TCEA3: variants seen among roughly 807,000 people sequenced by gnomAD.
TCEA3 encodes transcription elongation factor A3, also known as transcription elongation factor A protein 3.
A neutral mutation model predicts 44.0 loss-of-function variants in TCEA3; 36 were observed. The ratio of observed to expected loss-of-function variants is 0.82; its 90% CI spans 0.63 to 1.08. The LOEUF (loss-of-function observed/expected upper bound fraction) is 1.08, where lower values mean the gene tolerates loss of function less well. TCEA3 is among the 50% of genes least tolerant of loss of function. The pLI is 0.00. For missense variants in TCEA3, 392 were observed against 441.2 expected, an observed-to-expected ratio of 0.89 and a Z score of 1.00; for synonymous variants, 162 against 159.7, an observed-to-expected ratio of 1.01 and a Z score of -0.11.
chr1:23,390,194 C>T (rs766204678), intron 8 of TCEA3, among the ~76,000 whole-genome samples: 1 of 152,128 alleles, frequency 6.6e-6, no homozygotes, highest in South Asian at 2.1e-4. Flanking sequence ...CAGGGCCGGG[C>T]GCAGTGGCTC....
At chr1:23,420,166 G>C (rs1042689786) in intron 1 of TCEA3, among the ~76,000 whole-genome samples, 4 of 152,204 alleles carry the variant, frequency 2.6e-5, no homozygotes, top group African/African-American at 7.2e-5. Flanking sequence ...TGATTTTGGA[G>C]ACTCATCCAT....
At chr1:23,392,682 A>T (rs1475619618) in intron 8 of TCEA3, among the ~76,000 whole-genome samples, 2 of 148,764 alleles carry the variant, frequency 1.3e-5, no homozygotes, top group Non-Finnish European at 3.0e-5. Context: ...CACTCCACAC[A>T]TCACACACAC....
intron 8 of TCEA3, among the ~76,000 whole-genome samples, chr1:23,393,672 G>A (rs1015332028): frequency 5.9e-5 from 9 of 152,272 alleles, no homozygotes; most frequent in East Asian, 1.9e-4. Context: ...TGGCCAATTC[G>A]CTGAACACAC....
Position 23,399,136 on chromosome 1 carries a change from GTA to G in TCEA3, c.444-1183_444-1182del, listed in dbSNP as rs1191975371. ...TCATTCAGGTTTTGTTTATATATAT[GTA>G]TATATGTATATATATATATATATAT... is the stretch of plus-strand genomic sequence containing the variant. On this transcript the variant is annotated intron_variant, in intron 5 of 10. Coordinates refer to ENST00000450454, the MANE Select transcript of TCEA3 (RefSeq NM_003196.3). Among the ~76,000 whole-genome samples the G allele has an allele frequency of 4.8e-4, 28 of 58,684 alleles. 1 individual carries two copies. The highest frequency in any genetic ancestry group is 1.2e-3 in the Admixed American group (5 of 4,198). The allele number at this position is 58,684 out of a possible 152,430, so 38.5% of individuals were successfully genotyped here. A position where few individuals can be genotyped will look rare whatever the true frequency, so the allele number is the denominator to read the frequency against.
chr1:23,385,289 C>A lies in TCEA3; in HGVS notation c.967-872G>T, dbSNP rs1304239790. ...AATCTGTGGTGTGGGACGAGTTATGCCCGCCACCCTCCTTGGGTGAGCCCC... is the reference window on the plus strand; with the variant it reads ...AATCTGTGGTGTGGGACGAGTTATGACCGCCACCCTCCTTGGGTGAGCCCC... On this transcript the variant is annotated intron_variant, in intron 9 of 10. Transcript: ENST00000450454. Among the ~76,000 whole-genome samples the A allele has an allele frequency of 2.0e-5, 3 of 152,194 alleles. 1 individual carries two copies. Among genetic ancestry groups the A allele is most frequent in the Admixed American group, 6.5e-5 (1 of 15,282 alleles).
rs1243059538 is a variant in TCEA3 at position 23,393,792 on chromosome 1, A to C, written c.819+87T>G. On this transcript the variant is annotated intron_variant, in intron 8 of 10. Transcript: ENST00000450454. ...TGAAAAGCTCCCTGGCTCACTGCTG[A>C]TGAGTCACGAGCCACTGACCCTCTG... The C allele has an allele frequency of 3.3e-6, 5 of 1,502,416 alleles. No homozygotes were observed. In the Admixed American group the frequency reaches 8.4e-5, roughly 25 times the overall value. 93.1% of individuals were successfully genotyped at this position (1,502,416 alleles called of 1,614,324 possible).
At chr1:23,421,917 A>G (rs1454201429) in intron 1 of TCEA3, among the ~76,000 whole-genome samples, 1 of 152,198 alleles carries the variant, frequency 6.6e-6, no homozygotes, top group Non-Finnish European at 1.5e-5. Flanking sequence ...ACAGCTGTAT[A>G]ACTGGGTCAT....
intron 5 of TCEA3, among the ~76,000 whole-genome samples, chr1:23,400,373 C>CT (rs67325313): frequency 0.75 from 99,569 of 133,454 alleles, 39,485 homozygotes; most frequent in Non-Finnish European, 0.88. Context: ...CCACACCAGG[C>CT]TTTTTTTTTT....
rs549462754 is a variant in TCEA3 at position 23,397,396 on chromosome 1, A to C, written c.664+149T>G. 22 of 660,884 alleles carry C rather than the reference A, an allele frequency of 3.3e-5. No individual in the cohort carries two copies. In the South Asian group the frequency reaches 4.1e-4, roughly 12 times the overall value. 40.9% of individuals were successfully genotyped at this position (660,884 alleles called of 1,614,324 possible). The stretch of plus-strand genomic sequence containing the variant: ...GGTGTAAAATAATAATGAATGTTAG[A>C]TAGAATTAAGAACTCTGGTTCAGGG... On this transcript the variant is annotated intron_variant, in intron 7 of 10. Coordinates refer to ENST00000450454, the MANE Select transcript of TCEA3 (RefSeq NM_003196.3).
rs1570263874 is a variant in TCEA3, at chr1:23,403,836, A to C, written c.443+4828T>G. 1.5e-5 allele frequency: 7 copies of C among 481,846 alleles called. No homozygotes were observed. In the South Asian group the frequency reaches 1.6e-4, roughly 11 times the overall value. 29.8% of individuals were successfully genotyped at this position (481,846 alleles called of 1,614,324 possible). On this transcript the variant is annotated intron_variant, in intron 5 of 10. Coordinates refer to ENST00000450454, the MANE Select transcript of TCEA3 (RefSeq NM_003196.3). ...TCTTCCCACCTTCCTGGCAGGGCACACCCAGCCCTGGTCCCGCCTCCCCGG... is the reference window on the plus strand; with the variant it reads ...TCTTCCCACCTTCCTGGCAGGGCACCCCCAGCCCTGGTCCCGCCTCCCCGG...
At chr1:23,418,302 T>G in intron 2 of TCEA3, 1 of 370,222 alleles carries the variant, frequency 2.7e-6, no homozygotes, top group African/African-American at 2.0e-5. Flanking sequence ...ACCCCTCCCA[T>G]TCCCAACCCT....
At chr1:23,405,512 C>T (rs1187153218) in intron 5 of TCEA3, among the ~76,000 whole-genome samples, 2 of 151,904 alleles carry the variant, frequency 1.3e-5, no homozygotes, top group Admixed American at 6.6e-5. Flanking sequence ...AGGAGAATCA[C>T]TTGAATCCGG....
At chr1:23,400,745 C>T (rs113984845) in intron 5 of TCEA3, among the ~76,000 whole-genome samples, 1,627 of 152,208 alleles carry the variant, frequency 0.011, 39 homozygotes, top group African/African-American at 0.037. Flanking sequence ...AAGACCCACT[C>T]GAGGGTCTTA....
chr1:23,406,098 C>G (rs1639536557), intron 5 of TCEA3, among the ~76,000 whole-genome samples: 1 of 152,190 alleles, frequency 6.6e-6, no homozygotes, highest in African/African-American at 2.4e-5. Context: ...ACCACCATTT[C>G]TAGGCCTGAC....
chr1:23,403,306 C>G (rs1639451933), intron 5 of TCEA3, among the ~76,000 whole-genome samples: 1 of 152,192 alleles, frequency 6.6e-6, no homozygotes, highest in African/African-American at 2.4e-5. Flanking sequence ...CAGCCTGAGA[C>G]CAACACTTTG....
intron 7 of TCEA3, among the ~76,000 whole-genome samples, chr1:23,394,540 A>T (rs1291692704): frequency 6.6e-6 from 1 of 152,184 alleles, no homozygotes; most frequent in Non-Finnish European, 1.5e-5. Flanking sequence ...GGAAAAGATT[A>T]AGAGCCACAT....
intron 8 of TCEA3, among the ~76,000 whole-genome samples, chr1:23,388,890 T>G (rs1192164997): frequency 6.6e-6 from 1 of 152,124 alleles, no homozygotes; most frequent in East Asian, 1.9e-4. Flanking sequence ...GGTTTTCCCA[T>G]GTTGCCTAGG....
At chr1:23,412,422 G>C (rs1048605798) in intron 4 of TCEA3, among the ~76,000 whole-genome samples, 12 of 148,678 alleles carry the variant, frequency 8.1e-5, no homozygotes, top group African/African-American at 3.0e-4. Flanking sequence ...AAAAAAAATG[G>C]CCGGGCATGG....
chr1:23,381,199 A>G lies in TCEA3; in HGVS notation c.*267T>C, dbSNP rs650102. On this transcript the variant is annotated 3_prime_UTR_variant, in exon 11 of 11. Transcript: ENST00000450454. ...CAGAGTTTGCAGATTACAGCCATAA[A>G]CCACCGTGCCCAGCCCTCTGCAGTT... 406,140 of 462,118 alleles carry G rather than the reference A, an allele frequency of 0.88. 181,882 individuals carry two copies. Among genetic ancestry groups the G allele is most frequent in the Non-Finnish European group, 0.93 (239,961 of 258,732 alleles). The allele number at this position is 462,118 out of a possible 1,614,324, so 28.6% of individuals were successfully genotyped here. A position where few individuals can be genotyped will look rare whatever the true frequency, so the allele number is the denominator to read the frequency against.
Sources: gnomAD v4.1 joint callset for allele counts (sites outside exome capture counted in the v4.1 genomes callset) on GRCh38, gnomAD v4.1.1 for gene constraint, MANE v1.5 for transcripts, NCBI Gene and HGNC (gene_info 2026-07-23, HGNC 2026-07-21) for gene names.